Variants in SLC35F4 observed in about 807,000 individuals in gnomAD.
SLC35F4 encodes the protein chromosome 14 open reading frame 36.
SLC35F4 carries 24 observed loss-of-function variants against 44.2 expected under a neutral mutation model. That is an observed-to-expected ratio of 0.54 (90% CI 0.39 to 0.76). SLC35F4 has a LOEUF of 0.76. Among genes scored for constraint, SLC35F4 ranks in the 30% least tolerant of loss-of-function variants. The pLI is 0.00. For synonymous variants in SLC35F4, 238 were observed against 223.6 expected (o/e 1.06, Z -0.57); for missense variants, 562 against 586.1 (o/e 0.96, Z 0.42).
chr14:57,860,515 T>C (rs1286366329), intron 1 of SLC35F4, among the ~76,000 whole-genome samples: 3 of 152,174 alleles, frequency 2.0e-5, no homozygotes, highest in Non-Finnish European at 4.4e-5. Flanking sequence ...AAAATCCATG[T>C]CCACCAAGAG....
chr14:57,759,949 C>A (rs1202080108), intron 1 of SLC35F4, among the ~76,000 whole-genome samples: 1 of 144,758 alleles, frequency 6.9e-6, no homozygotes, highest in Non-Finnish European at 1.5e-5. Flanking sequence ...AATATTAATT[C>A]TTTATCAGAT....
At chr14:57,954,964 A>AC (rs1890210108) in intron 1 of SLC35F4, among the ~76,000 whole-genome samples, 1 of 150,324 alleles carries the variant, frequency 6.7e-6, no homozygotes, top group Non-Finnish European at 1.5e-5. Flanking sequence ...AAAAAAAAAA[A>AC]AAAAACCTGG....
intron 4 of SLC35F4, among the ~76,000 whole-genome samples, chr14:57,577,696 C>T (rs1299485410): frequency 6.6e-6 from 1 of 151,828 alleles, no homozygotes; most frequent in African/African-American, 2.4e-5. Context: ...AAGGTGGGTT[C>T]TCTGGTTCTT....
At chr14:57,583,494 C>T (rs1353999683) in intron 3 of SLC35F4, among the ~76,000 whole-genome samples, 4 of 152,214 alleles carry the variant, frequency 2.6e-5, no homozygotes, top group Non-Finnish European at 5.9e-5. Context: ...GGGAGGAGTG[C>T]TCCTAAGCAA....
rs138029798 is a variant in SLC35F4 at position 57,970,333 on chromosome 14, T to C, written n.282+11580A>G. ...ACTTTCACCTTTTTAAAATTCAGCTTGATCATCACTTTTAAGAACCATTCA... is the reference window on the plus strand; with the variant it reads ...ACTTTCACCTTTTTAAAATTCAGCTCGATCATCACTTTTAAGAACCATTCA... On this transcript the variant is annotated intron_variant and non_coding_transcript_variant, in intron 1 of 1. Transcript: ENST00000556568. Among the ~76,000 whole-genome samples the C allele has an allele frequency of 4.5e-3, 685 of 152,296 alleles. 7 individuals are homozygous for C. Among genetic ancestry groups the C allele is most frequent in the African/African-American group, 0.015 (642 of 41,572 alleles).
intron 1 of SLC35F4, among the ~76,000 whole-genome samples, chr14:57,966,586 T>C (rs1890442748): frequency 6.6e-6 from 1 of 152,148 alleles, no homozygotes; most frequent in South Asian, 2.1e-4. Context: ...CCCAAGCAAT[T>C]TACGTGGGGA....
intron 1 of SLC35F4, among the ~76,000 whole-genome samples, chr14:57,923,323 T>C (rs544062912): frequency 2.6e-5 from 4 of 152,344 alleles, no homozygotes; most frequent in African/African-American, 7.2e-5. Context: ...TAATCATTCA[T>C]TCACATGTGA....
chr14:57,750,883 T>A (rs2076868303), intron 1 of SLC35F4, among the ~76,000 whole-genome samples: 1 of 152,214 alleles, frequency 6.6e-6, no homozygotes, highest in Non-Finnish European at 1.5e-5. Flanking sequence ...TTATAGGCAG[T>A]CACTTTTGTT....
intron 1 of SLC35F4, among the ~76,000 whole-genome samples, chr14:57,884,737 ATGT>A (rs1479867801): frequency 6.6e-6 from 1 of 152,172 alleles, no homozygotes; most frequent in Non-Finnish European, 1.5e-5. Flanking sequence ...GTTATTATAG[ATGT>A]TATTATGACT....
intron 1 of SLC35F4, among the ~76,000 whole-genome samples, chr14:57,884,801 C>A (rs915524528): frequency 6.6e-6 from 1 of 152,012 alleles, no homozygotes; most frequent in South Asian, 2.1e-4. Context: ...ATAATAACAA[C>A]TGTGCCCTAT....
chr14:57,771,645 G>A (rs1480165383), intron 1 of SLC35F4, among the ~76,000 whole-genome samples: 1 of 152,152 alleles, frequency 6.6e-6, no homozygotes, highest in Non-Finnish European at 1.5e-5. Flanking sequence ...CCAGGCTGGA[G>A]TGCAGTGGTG....
At chr14:57,622,792 A>C (rs1211203395) in intron 1 of SLC35F4, among the ~76,000 whole-genome samples, 1 of 152,168 alleles carries the variant, frequency 6.6e-6, no homozygotes, top group East Asian at 1.9e-4. Context: ...CACATTGTGC[A>C]CATGTATCCT....
chr14:57,579,967 T>C (rs1372447053), intron 4 of SLC35F4, among the ~76,000 whole-genome samples: 1 of 152,186 alleles, frequency 6.6e-6, no homozygotes, highest in East Asian at 1.9e-4. Flanking sequence ...GGGTATCTGA[T>C]GGTAGACAGC....
chr14:57,586,227 G>A (rs115580036), intron 3 of SLC35F4, among the ~76,000 whole-genome samples: 1,746 of 152,300 alleles, frequency 0.011, 35 homozygotes, highest in African/African-American at 0.04. Context: ...AGCAATGGAG[G>A]AAAGATGCCC....
intron 1 of SLC35F4, among the ~76,000 whole-genome samples, chr14:57,768,477 T>G (rs1292798765): frequency 6.6e-6 from 1 of 152,160 alleles, no homozygotes; most frequent in Admixed American, 6.5e-5. Flanking sequence ...CAAAATATAC[T>G]GGGGGTGAGG....
rs79915507 is a variant in SLC35F4, at chr14:57,615,382, C to A, written c.104-21258G>T. Among the ~76,000 whole-genome samples, 1,263 of 151,302 alleles carry A rather than the reference C, an allele frequency of 8.3e-3. 11 individuals carry two copies. The highest frequency in any genetic ancestry group is 0.015 in the Non-Finnish European group (993 of 67,870). ...TTTTTTTTTTTTTAACTGCTCACTT[C>A]ATTTCTTCATTGTTAACTGCTGCTT... On this transcript the variant is annotated intron_variant, in intron 1 of 7. Coordinates refer to ENST00000556826, the MANE Select transcript of SLC35F4 (RefSeq NM_001306087.2).
chr14:57,942,736 G>C (rs1264782279), intron 1 of SLC35F4, among the ~76,000 whole-genome samples: 1 of 152,140 alleles, frequency 6.6e-6, no homozygotes, highest in Non-Finnish European at 1.5e-5. Flanking sequence ...CTGCCTAAAA[G>C]ATCTTTGTCT....
chr14:57,613,452 G>GGA, intron 1 of SLC35F4, among the ~76,000 whole-genome samples: 1 of 152,124 alleles, frequency 6.6e-6, no homozygotes, highest in Non-Finnish European at 1.5e-5. Context: ...CCCCAACAAT[G>GGA]GGTCACTCAG....
chr14:57,633,519 T>G (rs530540079), intron 1 of SLC35F4, among the ~76,000 whole-genome samples: 15 of 152,134 alleles, frequency 9.9e-5, no homozygotes, highest in Admixed American at 2.6e-4. Flanking sequence ...ACTTTTTATT[T>G]TTAAATAATT....
Sources: allele counts gnomAD v4.1 joint callset (sites outside exome capture counted in the v4.1 genomes callset), GRCh38; gene constraint gnomAD v4.1.1; transcripts MANE v1.5; gene names NCBI Gene and HGNC (gene_info 2026-07-23, HGNC 2026-07-21).